FBXO34: variants seen among roughly 807,000 people sequenced by gnomAD.
FBXO34 encodes the protein F-box only protein 34.
A neutral mutation model predicts 24.5 loss-of-function variants in FBXO34; 12 were observed. The observed-to-expected ratio is 0.49, with a 90% CI of 0.31 to 0.79. FBXO34 has a LOEUF of 0.79. Ranked by LOEUF, FBXO34 falls within the 30% of genes least tolerant of loss-of-function variation. FBXO34 has a pLI of 0.04. For synonymous variants in FBXO34, 320 were observed against 311.9 expected (o/e 1.03, Z -0.27); for missense variants, 823 against 857.7 (o/e 0.96, Z 0.51).
chr14:55,303,166 A>G (rs1212213742), intron 1 of FBXO34, among the ~76,000 whole-genome samples: 1 of 151,036 alleles, frequency 6.6e-6, no homozygotes, highest in African/African-American at 2.4e-5. Context: ...TTAAATTTTG[A>G]GTGCCTCCCT....
exon 3 of FBXO34, chr14:55,367,183 G>A (rs1396987992): frequency 6.6e-6 from 1 of 152,176 alleles, no homozygotes; most frequent in Non-Finnish European, 1.5e-5. Context: ...AGAGGCTTAA[G>A]AAAACCATGA....
downstream of FBXO34, chr14:55,354,460 C>CAG (rs1362449268): frequency 6.6e-6 from 1 of 152,268 alleles, no homozygotes; most frequent in African/African-American, 2.4e-5. Flanking sequence ...CTGGCCCAGC[C>CAG]TGGACACTGG....
At chr14:55,319,316 C>A (rs1883046406) in intron 1 of FBXO34, among the ~76,000 whole-genome samples, 1 of 152,120 alleles carries the variant, frequency 6.6e-6, no homozygotes, top group African/African-American at 2.4e-5. Flanking sequence ...TTTAGGTGAA[C>A]CTTCTCTTTC....
At chr14:55,367,106 T>A (rs149169223) in intron 2 of FBXO34, 39 of 152,698 alleles carry the variant, frequency 2.6e-4, no homozygotes, top group Non-Finnish European at 1.5e-5. Context: ...TTTGTGGAAG[T>A]ACTCTAGATG....
the FBXO34 span, among the ~76,000 whole-genome samples, chr14:55,422,754 G>A: frequency 2.0e-5 from 3 of 152,116 alleles, no homozygotes; most frequent in African/African-American, 4.8e-5. Context: ...TCAGGAGGCC[G>A]AGGCAGGAGA....
the FBXO34 span, among the ~76,000 whole-genome samples, chr14:55,380,078 T>C: frequency 6.6e-6 from 1 of 151,994 alleles, no homozygotes; most frequent in East Asian, 1.9e-4. Context: ...AAAACCCCCC[T>C]CACTCCTAGA....
At chr14:55,310,454 A>T (rs1882697127) in intron 1 of FBXO34, among the ~76,000 whole-genome samples, 1 of 152,194 alleles carries the variant, frequency 6.6e-6, no homozygotes, top group South Asian at 2.1e-4. Context: ...TCTGCAGGTC[A>T]CACCACCAAA....
chr14:55,433,548 C>CTTTA, the FBXO34 span: 1 of 1,360,782 alleles, frequency 7.3e-7, no homozygotes, highest in Non-Finnish European at 1.0e-6. Context: ...CTACTATGTG[C>CTTTA]TTTAGCACAT....
downstream of FBXO34, among the ~76,000 whole-genome samples, chr14:55,354,857 G>A (rs578175851): frequency 6.6e-6 from 1 of 152,212 alleles, no homozygotes; most frequent in Non-Finnish European, 1.5e-5. Context: ...CCAGTAGTGT[G>A]CCGCACTACC....
chr14:55,315,550 A>C (rs1398403003), intron 1 of FBXO34, among the ~76,000 whole-genome samples: 1 of 152,196 alleles, frequency 6.6e-6, no homozygotes, highest in African/African-American at 2.4e-5. Context: ...GGGTTTATGT[A>C]AGTTAAACTT....
rs529583856 is a variant in FBXO34 at position 55,312,526 on chromosome 14, C to A, written c.-10-37855C>A. On this transcript the variant is annotated intron_variant, in intron 1 of 1. Transcript: ENST00000313833. ...ACCCCACATTTCCCTTCCGCACTGCCCTAGCAGAGGTTCTCCATGAGGGCT... is the reference window on the plus strand; with the variant it reads ...ACCCCACATTTCCCTTCCGCACTGCACTAGCAGAGGTTCTCCATGAGGGCT... Among the ~76,000 whole-genome samples the A allele has an allele frequency of 2.6e-5, 4 of 152,316 alleles. No individual in the cohort carries two copies. In the South Asian group the frequency reaches 8.3e-4, roughly 32 times the overall value.
At chr14:55,428,739 G>A in the FBXO34 span, 50 of 1,433,212 alleles carry the variant, frequency 3.5e-5, no homozygotes, top group Non-Finnish European at 4.3e-5. Flanking sequence ...GATACTTTAC[G>A]TAAGCAACCC....
intron 1 of FBXO34, among the ~76,000 whole-genome samples, chr14:55,322,115 GATCGAGACCA>G (rs1478581998): frequency 6.6e-6 from 1 of 152,036 alleles, no homozygotes; most frequent in Non-Finnish European, 1.5e-5. Context: ...GAGGTCAGGA[GATCGAGACCA>G]CGGTGAAACC....
At chr14:55,308,775 A>G (rs1882637468) in intron 1 of FBXO34, among the ~76,000 whole-genome samples, 1 of 152,170 alleles carries the variant, frequency 6.6e-6, no homozygotes, top group African/African-American at 2.4e-5. Flanking sequence ...AGCTCTCAGT[A>G]CCTCTTTAAA....
chr14:55,290,917 TCAA>T (rs1881925931), intron 1 of FBXO34, among the ~76,000 whole-genome samples: 1 of 152,180 alleles, frequency 6.6e-6, no homozygotes, highest in Non-Finnish European at 1.5e-5. Context: ...CCTCCGGAGT[TCAA>T]GTGATTTTCC....
chr14:55,282,808 G>A (rs1881605072), intron 1 of FBXO34, among the ~76,000 whole-genome samples: 2 of 152,156 alleles, frequency 1.3e-5, no homozygotes, highest in Non-Finnish European at 2.9e-5. Context: ...TAGTTTATTT[G>A]AAACTGTAGA....
At chr14:55,440,307 T>A in the FBXO34 span, 750,224 of 1,484,644 alleles carry the variant, frequency 0.51, 191,754 homozygotes, top group Admixed American at 0.66. Flanking sequence ...ATGGTCGCTA[T>A]GAGTTTTAAG....
At chr14:55,391,114 TG>T in the FBXO34 span, 12 of 636,020 alleles carry the variant, frequency 1.9e-5, no homozygotes, top group African/African-American at 2.3e-4. Flanking sequence ...AAAGACCTTA[TG>T]TTATAGCTTT....
the FBXO34 span, among the ~76,000 whole-genome samples, chr14:55,441,583 C>T: frequency 2.0e-5 from 3 of 152,230 alleles, no homozygotes; most frequent in South Asian, 2.1e-4. Flanking sequence ...AGTCACTGAG[C>T]GTTCCGTCTA....
Sources: allele counts gnomAD v4.1 joint callset (sites outside exome capture counted in the v4.1 genomes callset), GRCh38; gene constraint gnomAD v4.1.1; transcripts MANE v1.5; gene names NCBI Gene and HGNC (gene_info 2026-07-23, HGNC 2026-07-21).